AFG1L: variants seen among roughly 807,000 people sequenced by gnomAD.
AFG1L encodes AFG1 like ATPase, also known as AFG1-like ATPase.
AFG1L carries 53 observed loss-of-function variants against 62.2 expected under a neutral mutation model. The observed-to-expected ratio is 0.85, with a 90% CI of 0.68 to 1.07. The LOEUF (loss-of-function observed/expected upper bound fraction) is 1.07. Among genes scored for constraint, AFG1L ranks in the 50% least tolerant of loss-of-function variants. AFG1L has a pLI of 0.00. For missense variants in AFG1L, 555 were observed against 590.5 expected (o/e 0.94, Z 0.62); for synonymous variants, 228 against 210.3 (o/e 1.08, Z -0.73).
intron 6 of AFG1L, among the ~76,000 whole-genome samples, chr6:108,388,531 T>C (rs924355784): frequency 6.6e-6 from 1 of 152,242 alleles, no homozygotes; most frequent in African/African-American, 2.4e-5. Flanking sequence ...TAAATTTCCC[T>C]CTGCACACTG....
At chr6:108,397,074 G>A (rs1326062755) in intron 6 of AFG1L, among the ~76,000 whole-genome samples, 1 of 152,012 alleles carries the variant, frequency 6.6e-6, no homozygotes, top group African/African-American at 2.4e-5. Context: ...TGTTGCCCAG[G>A]CTGGAGGGCA....
chr6:108,322,502 T>C (rs1777853670), intron 1 of AFG1L, among the ~76,000 whole-genome samples: 1 of 152,136 alleles, frequency 6.6e-6, no homozygotes, highest in Non-Finnish European at 1.5e-5. Context: ...TGGCCATACC[T>C]GACTGCAAGA....
At chr6:108,372,550 A>G (rs891570359) in intron 6 of AFG1L, among the ~76,000 whole-genome samples, 4 of 152,036 alleles carry the variant, frequency 2.6e-5, no homozygotes, top group Non-Finnish European at 4.4e-5. Flanking sequence ...GGCTGGTCTC[A>G]AACTCCTGAC....
At chr6:108,430,231 C>T (rs1266377210) in intron 7 of AFG1L, among the ~76,000 whole-genome samples, 1 of 152,150 alleles carries the variant, frequency 6.6e-6, no homozygotes, top group Non-Finnish European at 1.5e-5. Context: ...AGGTGTGAGC[C>T]ACTGTGCCCA....
At chr6:108,457,330 C>T (rs1772289146) in intron 8 of AFG1L, among the ~76,000 whole-genome samples, 1 of 151,572 alleles carries the variant, frequency 6.6e-6, no homozygotes, top group Admixed American at 6.6e-5. Context: ...TTAGCTATAC[C>T]TCCTTGATTT....
chr6:108,325,287 A>G (rs1777993860), intron 2 of AFG1L, among the ~76,000 whole-genome samples: 2 of 151,900 alleles, frequency 1.3e-5, no homozygotes, highest in South Asian at 4.1e-4. Context: ...ATCTCAATTT[A>G]TATTCAATCC....
intron 2 of AFG1L, among the ~76,000 whole-genome samples, chr6:108,339,190 G>A (rs1219899714): frequency 2.8e-5 from 4 of 144,870 alleles, no homozygotes; most frequent in Non-Finnish European, 4.5e-5. Flanking sequence ...TTGCTCTTTC[G>A]CCCAGGCTGG....
At chr6:108,307,054 C>T (rs1245986655) in intron 1 of AFG1L, among the ~76,000 whole-genome samples, 2 of 146,792 alleles carry the variant, frequency 1.4e-5, no homozygotes. Context: ...TGCTCTGTCA[C>T]CCAGGCTGGA....
At chr6:108,520,574 C>G (rs554930472) in intron 12 of AFG1L, 1 of 152,338 alleles carries the variant, frequency 6.6e-6, no homozygotes, top group East Asian at 1.9e-4. Flanking sequence ...CCCAATTCTT[C>G]CAGCCCCACA....
chr6:108,439,650 A>G lies in AFG1L; in HGVS notation c.808-7564A>G, dbSNP rs191361657. Among the ~76,000 whole-genome samples the G allele has an allele frequency of 3.3e-5, 5 of 152,304 alleles. No individual in the cohort carries two copies. The East Asian group carries it at 7.7e-4, about 23-fold the overall frequency. On this transcript the variant is annotated intron_variant, in intron 7 of 12. Transcript: ENST00000368977. Reference sequence around the variant, plus strand: ...GCTTCAGAGATTCTGGTGATATTCTATTTCATGACTGAGCCGGACACTTAT... The same window carrying G: ...GCTTCAGAGATTCTGGTGATATTCTGTTTCATGACTGAGCCGGACACTTAT...
intron 6 of AFG1L, among the ~76,000 whole-genome samples, chr6:108,379,265 C>T (rs1283781686): frequency 6.6e-6 from 1 of 152,134 alleles, no homozygotes; most frequent in African/African-American, 2.4e-5. Context: ...CCACCTTAGC[C>T]TCCCAAGGTG....
intron 10 of AFG1L, among the ~76,000 whole-genome samples, chr6:108,480,723 A>G (rs1773293590): frequency 6.6e-6 from 1 of 152,132 alleles, no homozygotes; most frequent in Non-Finnish European, 1.5e-5. Context: ...ATTTGAACCC[A>G]GGAGGTGGAG....
intron 11 of AFG1L, among the ~76,000 whole-genome samples, chr6:108,514,286 C>T (rs554381579): frequency 3.5e-4 from 54 of 152,192 alleles, no homozygotes; most frequent in African/African-American, 1.3e-3. Context: ...GCCCATCAGA[C>T]TAACAGTGGA....
chr6:108,390,554 G>A lies in AFG1L; in HGVS notation c.749-11442G>A, dbSNP rs542092583. ...TTACAGATGGCGTTTTGGTGTGGAT[G>A]TCCTTTCTGTTTGTTAGTTTTCCTT... is the stretch of plus-strand genomic sequence containing the variant. On this transcript the variant is annotated intron_variant, in intron 6 of 12. Transcript: ENST00000368977. Among the ~76,000 whole-genome samples the A allele has an allele frequency of 3.3e-5, 5 of 151,658 alleles. No individual in the cohort carries two copies. In the South Asian group the frequency reaches 1.1e-3, roughly 32 times the overall value.
intron 6 of AFG1L, among the ~76,000 whole-genome samples, chr6:108,386,159 G>T (rs927169815): frequency 2.0e-5 from 3 of 152,070 alleles, no homozygotes; most frequent in Non-Finnish European, 4.4e-5. Flanking sequence ...GACATTCTAA[G>T]ATTAAAAAGA....
At chr6:108,417,972 T>TA (rs1193148311) in intron 7 of AFG1L, among the ~76,000 whole-genome samples, 1 of 152,138 alleles carries the variant, frequency 6.6e-6, no homozygotes, top group Non-Finnish European at 1.5e-5. Context: ...TAGCTGGGAC[T>TA]ACAGGTGCCT....
intron 7 of AFG1L, among the ~76,000 whole-genome samples, chr6:108,422,030 G>A (rs1770615092): frequency 6.6e-6 from 1 of 151,892 alleles, no homozygotes; most frequent in African/African-American, 2.4e-5. Flanking sequence ...AAAACATATA[G>A]GGAATAATTT....
At chr6:108,518,927 G>C (rs1467723856) in intron 11 of AFG1L, among the ~76,000 whole-genome samples, 2 of 152,196 alleles carry the variant, frequency 1.3e-5, no homozygotes, top group Non-Finnish European at 1.5e-5. Flanking sequence ...CAGTGTCCCT[G>C]GGGAGCGTCT....
chr6:108,346,916 A>G, intron 2 of AFG1L, 72 bp from the exon 3 acceptor site: 1 of 1,158,446 alleles, frequency 8.6e-7, no homozygotes, highest in Non-Finnish European at 1.3e-6. Context: ...TAGGACAGTT[A>G]GGAAGACTAT....
Sources: gnomAD v4.1 joint callset for allele counts (sites outside exome capture counted in the v4.1 genomes callset) on GRCh38, gnomAD v4.1.1 for gene constraint, MANE v1.5 for transcripts, NCBI Gene and HGNC (gene_info 2026-07-23, HGNC 2026-07-21) for gene names.